The following GPN2 variants were observed in gnomAD, a reference collection of about 807,000 sequenced individuals.
GPN2 encodes ATP-binding domain 1 family member B.
In GPN2, 27 loss-of-function variants were observed where a neutral mutation model predicts 30.1. The observed-to-expected ratio is 0.90, with a 90% confidence interval of 0.66 to 1.24. The LOEUF is 1.24. Ranked by LOEUF, GPN2 falls within the 50% of genes most tolerant of loss-of-function variation. The pLI, the probability that GPN2 is intolerant of heterozygous loss-of-function variation, is 0.00. For synonymous variants in GPN2, 212 were observed against 174.4 expected, an observed-to-expected ratio of 1.22 and a Z score of -1.70; for missense variants, 406 against 405.4, an observed-to-expected ratio of 1.00 and a Z score of -0.01.
chr1:26,889,111 G>A lies in GPN2; in HGVS notation c.426C>T (p.His142=), dbSNP rs2081906396. 1.2e-5 allele frequency: 20 copies of A among 1,613,686 alleles called. No homozygotes were observed. The highest frequency in any genetic ancestry group is 1.6e-5 in the Non-Finnish European group (19 of 1,179,678). The part of the protein sequence containing the change: ...AQWDLRLTAV[H]LVDSHYCTDP... ...CTGTGCAGTAGTGAGAATCCACGAGGTGGACGGCAGTCAGCTGGGAGGGAA... is the reference window on the plus strand; with the variant it reads ...CTGTGCAGTAGTGAGAATCCACGAGATGGACGGCAGTCAGCTGGGAGGGAA... The change falls in exon 2 of 5, where the codon CAC becomes CAT. Residue 142 remains histidine (H), a synonymous_variant. Coordinates refer to ENST00000374135, the MANE Select transcript of GPN2 (RefSeq NM_018066.4).
intron 2 of GPN2, among the ~76,000 whole-genome samples, chr1:26,887,540 T>C (rs1399872009): frequency 6.6e-6 from 1 of 152,050 alleles, no homozygotes; most frequent in African/African-American, 2.4e-5. Flanking sequence ...TAGGGAACAA[T>C]GTCCCCAGTT....
chr1:26,879,466 C>T lies in GPN2; in HGVS notation c.*211G>A, dbSNP rs2124290942. 1 of 568,872 alleles carries T rather than the reference C, an allele frequency of 1.8e-6. No homozygotes were observed. The highest frequency in any genetic ancestry group is 2.9e-5 in the East Asian group (1 of 34,678). 35.2% of individuals were successfully genotyped at this position (568,872 alleles called of 1,614,324 possible). On this transcript the variant is annotated 3_prime_UTR_variant, in exon 5 of 5. Coordinates refer to ENST00000374135, the MANE Select transcript of GPN2 (RefSeq NM_018066.4). ...GACTTTCTGGTGGCAGGGCCCAGAG[C>T]TCACGGACACCACTGACAGTATGGG...
Position 26,889,856 on chromosome 1 carries a change from G to C in GPN2, c.241C>G (p.Leu81Val). 7 of 1,612,856 alleles carry C rather than the reference G, an allele frequency of 4.3e-6. No homozygotes were observed. Among genetic ancestry groups the C allele is most frequent in the Non-Finnish European group, 5.9e-6 (7 of 1,179,482 alleles). ...DALRLGPNGGLLYCMEYLEAN... is the reference protein window; with the variant it reads ...DALRLGPNGGVLYCMEYLEAN... ...TCCAGGTACTCCATGCAGTAGAGCA[G>C]GCCGCCGTTGGGCCCCAGGCGCAGC... Residue 81 changes from leucine to valine, a missense_variant, in exon 1 of 5, where the codon CTG becomes GTG. By Grantham distance (32) the Leu-to-Val change is conservative. Coordinates refer to ENST00000374135, the MANE Select transcript of GPN2 (RefSeq NM_018066.4).
rs564082048 is a variant in GPN2 at position 26,887,863 on chromosome 1, A to ATT, written c.568+1104_568+1105dup. Among the ~76,000 whole-genome samples, 1,065 of 107,572 alleles carry ATT rather than the reference A, an allele frequency of 9.9e-3. 53 individuals are homozygous for ATT. The highest frequency in any genetic ancestry group is 0.086 in the Admixed American group (916 of 10,672). The allele number at this position is 107,572 out of a possible 152,430, so 70.6% of individuals were successfully genotyped here. On this transcript the variant is annotated intron_variant, in intron 2 of 4. Transcript: ENST00000374135. ...GGCGTGAGCCACTGCGCCTGGCCTA[A>ATT]TTTTTTTTTTTTGAGACGGAGTTTC...
intron 2 of GPN2, among the ~76,000 whole-genome samples, chr1:26,887,250 C>A (rs1049782335): frequency 1.3e-5 from 2 of 152,116 alleles, no homozygotes; most frequent in Non-Finnish European, 2.9e-5. Flanking sequence ...ATGCTGAGGT[C>A]CCTGATTCAG....
At chr1:26,881,373 T>C (rs1027332348) in intron 4 of GPN2, among the ~76,000 whole-genome samples, 21 of 152,220 alleles carry the variant, frequency 1.4e-4, no homozygotes, top group African/African-American at 4.6e-4. Flanking sequence ...ATTGAATATC[T>C]CATGTAATTT....
intron 4 of GPN2, among the ~76,000 whole-genome samples, chr1:26,882,497 A>G (rs975858151): frequency 1.3e-5 from 2 of 152,160 alleles, no homozygotes; most frequent in South Asian, 2.1e-4. Context: ...GCCATCATTT[A>G]TAAGTCATTC....
chr1:26,889,881 C>G lies in GPN2; in HGVS notation c.216G>C (p.Ala72=), dbSNP rs781779972. Residue 72 remains alanine (A), a synonymous_variant, in exon 1 of 5, where the codon GCG becomes GCC. Coordinates refer to ENST00000374135, the MANE Select transcript of GPN2 (RefSeq NM_018066.4). ...ELVGLGDVMD[A]LRLGPNGGLL... is the part of the protein sequence containing the mutation. Reference sequence around the variant, plus strand: ...GGCCGCCGTTGGGCCCCAGGCGCAGCGCGTCCATCACGTCGCCCAGCCCCA... The same window carrying G: ...GGCCGCCGTTGGGCCCCAGGCGCAGGGCGTCCATCACGTCGCCCAGCCCCA... 2 of 1,611,438 alleles carry G rather than the reference C, an allele frequency of 1.2e-6. No homozygotes were observed. Among genetic ancestry groups the G allele is most frequent in the African/African-American group, 1.3e-5 (1 of 75,020 alleles).
Position 26,889,662 on chromosome 1 carries a change from G to A in GPN2, c.411+24C>T, listed in dbSNP as rs1341167511. ...GTCTCAGTTACTCCATCCGCAAAAT[G>A]GGCCTCCCCGCCCTGAGACGCACCC... On this transcript the variant is annotated intron_variant, in intron 1 of 4. Transcript: ENST00000374135. 8.4e-6 allele frequency: 13 copies of A among 1,546,254 alleles called. 1 individual carries two copies. The highest frequency in any genetic ancestry group is 1.4e-5 in the African/African-American group (1 of 73,230).
Position 26,879,424 on chromosome 1 carries a change from G to C in GPN2, c.*253C>G. 1.9e-6 allele frequency: 1 copy of C among 518,720 alleles called. No individual in the cohort carries two copies. Among genetic ancestry groups the C allele is most frequent in the Admixed American group, 3.1e-5 (1 of 32,122 alleles). The allele number at this position is 518,720 out of a possible 1,614,324, so 32.1% of individuals were successfully genotyped here. A position where few individuals can be genotyped will look rare whatever the true frequency, so the allele number is the denominator to read the frequency against. On this transcript the variant is annotated 3_prime_UTR_variant, in exon 5 of 5. Transcript: ENST00000374135. ...ATTGTAGCACATTTCATCACAGCCT[G>C]ACTAGGACCAGTGCTCGACTTTCTG...
intron 2 of GPN2, among the ~76,000 whole-genome samples, chr1:26,888,104 C>T (rs1368222179): frequency 3.3e-5 from 5 of 152,010 alleles, no homozygotes; most frequent in African/African-American, 4.8e-5. Context: ...AGGTGATCTG[C>T]CCACCTCGGC....
Position 26,890,122 on chromosome 1 carries a change from C to A in GPN2, c.-26G>T. The stretch of plus-strand genomic sequence containing the variant: ...TGGCGGCCCGCGGCCCGGAGCAGGT[C>A]AACTCACAGGGAAAACGGGGCAGGT... On this transcript the variant is annotated 5_prime_UTR_variant, in exon 1 of 5. Coordinates refer to ENST00000374135, the MANE Select transcript of GPN2 (RefSeq NM_018066.4). The A allele has an allele frequency of 6.7e-7, 1 of 1,485,810 alleles. No individual in the cohort carries two copies. Among genetic ancestry groups the A allele is most frequent in the South Asian group, 1.3e-5 (1 of 74,896 alleles). 92.0% of individuals were successfully genotyped at this position (1,485,810 alleles called of 1,614,324 possible).
chr1:26,881,454 T>C (rs749274037), intron 4 of GPN2, among the ~76,000 whole-genome samples: 12 of 152,246 alleles, frequency 7.9e-5, no homozygotes, highest in African/African-American at 1.2e-4. Flanking sequence ...TGAATGCATA[T>C]AGCTTTCACA....
Position 26,889,033 on chromosome 1 carries a change from G to A in GPN2, c.504C>T (p.His168=), listed in dbSNP as rs1039501278. 2 of 1,614,110 alleles carry A rather than the reference G, an allele frequency of 1.2e-6. No individual in the cohort carries two copies. Among genetic ancestry groups the A allele is most frequent in the South Asian group, 2.2e-5 (2 of 91,086 alleles). The change falls in exon 2 of 5, where the codon CAC becomes CAT. Residue 168 remains histidine, a synonymous_variant. Transcript: ENST00000374135. ...VLCTSLATML[H]VELPHINLLS... is the part of the protein sequence containing the mutation. ...GGAGGTTGATGTGGGGCAGTTCCAC[G>A]TGCAGCATGGTGGCCAGGGAGGTAC...
At chr1:26,887,987 T>C (rs775902204) in intron 2 of GPN2, among the ~76,000 whole-genome samples, 4 of 151,770 alleles carry the variant, frequency 2.6e-5, no homozygotes, top group Non-Finnish European at 5.9e-5. Flanking sequence ...GCCTCCCGAG[T>C]AGCTGGGATT....
At chr1:26,879,803 C>T in intron 4 of GPN2, 54 bp from the exon 5 acceptor site, 1 of 1,279,580 alleles carries the variant, frequency 7.8e-7, no homozygotes, top group South Asian at 1.2e-5. Context: ...GGGAGCTGGT[C>T]TGGGCAGGAT....
At position 26,886,010 on chromosome 1, in the gene GPN2, T is replaced by A; in HGVS notation, c.692A>T (p.Asp231Val). Reference sequence around the variant, plus strand: ...AGGGATAAAGGAGACAAGGCTATAGTCTTCGATGAGCTGCACTAGCTTCTC... The same window carrying A: ...AGGGATAAAGGAGACAAGGCTATAGACTTCGATGAGCTGCACTAGCTTCTC... ...LNEKLVQLIE[D>V]YSLVSFIPLN... is the part of the protein sequence containing the mutation. Residue 231 changes from aspartate to valine, a missense_variant, in exon 3 of 5, where the codon GAC (aspartate) becomes GTC (valine). Physicochemically the swap from Asp to Val is radical, Grantham distance 152. Coordinates refer to ENST00000374135, the MANE Select transcript of GPN2 (RefSeq NM_018066.4). The A allele has an allele frequency of 1.9e-6, 3 of 1,613,612 alleles. No individual in the cohort carries two copies. The highest frequency in any genetic ancestry group is 2.5e-6 in the Non-Finnish European group (3 of 1,179,594).
chr1:26,883,681 G>C (rs1056221179), intron 4 of GPN2, among the ~76,000 whole-genome samples: 1 of 151,808 alleles, frequency 6.6e-6, no homozygotes, highest in Admixed American at 6.6e-5. Flanking sequence ...CTACTTGGGA[G>C]GCTGAGGCAG....
Position 26,890,044 on chromosome 1 carries a change from G to C in GPN2, c.53C>G (p.Pro18Arg). ...GCAGTACGTGGTCTTCCCTGAGCCCGGCGGGCCGATCACCGCCTGCCCGAA... is the reference window on the plus strand; with the variant it reads ...GCAGTACGTGGTCTTCCCTGAGCCCCGCGGGCCGATCACCGCCTGCCCGAA... ...TAFGQAVIGP[P>R]GSGKTTYCLG... The change falls in exon 1 of 5, where the codon CCG becomes CGG. Residue 18 changes from proline to arginine, a missense_variant. Coordinates refer to ENST00000374135, the MANE Select transcript of GPN2 (RefSeq NM_018066.4). 1 of 1,586,918 alleles carries C rather than the reference G, an allele frequency of 6.3e-7. No individual in the cohort carries two copies. Among genetic ancestry groups the C allele is most frequent in the Non-Finnish European group, 8.5e-7 (1 of 1,172,838 alleles).
Sources: allele counts gnomAD v4.1 joint callset (sites outside exome capture counted in the v4.1 genomes callset), GRCh38; gene constraint gnomAD v4.1.1; transcripts MANE v1.5; gene names NCBI Gene and HGNC (gene_info 2026-07-23, HGNC 2026-07-21).